Variants in TADA2B observed in about 807,000 individuals in gnomAD.
The protein encoded by TADA2B is transcriptional adapter 2-beta.
In TADA2B, 13 loss-of-function variants were observed where a neutral mutation model predicts 34.5. That is an observed-to-expected ratio of 0.38 (90% confidence interval 0.25 to 0.60). The LOEUF is 0.60. Ranked by LOEUF, TADA2B falls within the 20% of genes least tolerant of loss-of-function variation. The pLI is 0.65. For synonymous variants in TADA2B, 240 were observed against 243.4 expected (o/e 0.99, Z 0.13); for missense variants, 442 against 575.0 (o/e 0.77, Z 2.37).
chr4:7,051,281 C>G (rs1191254860), intron 1 of TADA2B, among the ~76,000 whole-genome samples: 1 of 152,128 alleles, frequency 6.6e-6, no homozygotes, highest in Non-Finnish European at 1.5e-5. Flanking sequence ...CTGCCGTGAC[C>G]GAGCACACGC....
rs1230478031 is a variant in TADA2B at position 7,057,835 on chromosome 4, C to T, written c.*2781C>T. 1 of 151,972 alleles carries T rather than the reference C, an allele frequency of 6.6e-6. No homozygotes were observed. Among genetic ancestry groups the T allele is most frequent in the East Asian group, 1.9e-4 (1 of 5,182 alleles). 9.4% of individuals were successfully genotyped at this position (151,972 alleles called of 1,614,324 possible). On this transcript the variant is annotated 3_prime_UTR_variant, in exon 2 of 2. Transcript: ENST00000310074. The stretch of plus-strand genomic sequence containing the variant: ...TTGAGTCAAAAAAAGTTGGATAACT[C>T]ATCTATATTTGAAATAATGCTGTCT...
intron 1 of TADA2B, chr4:7,053,425 C>T (rs1214584314): frequency 6.6e-6 from 1 of 152,382 alleles, no homozygotes; most frequent in African/African-American, 2.4e-5. Context: ...GCAGTCACTG[C>T]CTAGGAAAGG....
chr4:7,055,216 G>C lies in TADA2B; in HGVS notation c.*162G>C. Reference sequence around the variant, plus strand: ...TCATGGTCCTCTGAAAGAAGCAATAGTAACAATCTTATATTGGATCATGGG... The same window carrying C: ...TCATGGTCCTCTGAAAGAAGCAATACTAACAATCTTATATTGGATCATGGG... On this transcript the variant is annotated 3_prime_UTR_variant, in exon 2 of 2. Transcript: ENST00000310074. 1.4e-5 allele frequency: 10 copies of C among 734,976 alleles called. No individual in the cohort carries two copies. The highest frequency in any genetic ancestry group is 2.2e-5 in the Non-Finnish European group (10 of 457,112). 45.5% of individuals were successfully genotyped at this position (734,976 alleles called of 1,614,324 possible). A position where few individuals can be genotyped will look rare whatever the true frequency, so the allele number is the denominator to read the frequency against.
chr4:7,043,959 C>G (rs1408737910), intron 1 of TADA2B, 110 bp downstream of exon 1: 4 of 1,305,978 alleles, frequency 3.1e-6, no homozygotes, highest in Non-Finnish European at 2.0e-6. Flanking sequence ...CTCCGCACCC[C>G]AGAAGGCCCC....
chr4:7,047,549 C>T (rs115615563), intron 1 of TADA2B, among the ~76,000 whole-genome samples: 2,140 of 152,346 alleles, frequency 0.014, 23 homozygotes, highest in Non-Finnish European at 0.021. Context: ...TTCATTCTCT[C>T]GCTCATTCAT....
chr4:7,048,286 G>A (rs761185335), intron 1 of TADA2B, among the ~76,000 whole-genome samples: 2 of 152,264 alleles, frequency 1.3e-5, no homozygotes, highest in South Asian at 2.1e-4. Context: ...ATGGCGGGAG[G>A]GGGAGGGAGA....
rs1378608860 is a variant in TADA2B, at chr4:7,057,260, T to C, written c.*2206T>C. On this transcript the variant is annotated 3_prime_UTR_variant, in exon 2 of 2. Transcript: ENST00000310074. ...TAGTATGTATATCTTTTTGATGGTA[T>C]GAAGAATTTATTTAGGCTTGACTGT... is the stretch of plus-strand genomic sequence containing the variant. The C allele has an allele frequency of 6.6e-6, 1 of 152,240 alleles. No individual in the cohort carries two copies. Among genetic ancestry groups the C allele is most frequent in the Non-Finnish European group, 1.5e-5 (1 of 68,050 alleles). 9.4% of individuals were successfully genotyped at this position (152,240 alleles called of 1,614,324 possible).
rs1446658162 is a variant in TADA2B, at chr4:7,056,639, T to C, written c.*1585T>C. ...ATTAAATAAAACATTTCAAATATATTGTATATGGCTTTAGTTGTAAACTAT... is the reference window on the plus strand; with the variant it reads ...ATTAAATAAAACATTTCAAATATATCGTATATGGCTTTAGTTGTAAACTAT... On this transcript the variant is annotated 3_prime_UTR_variant, in exon 2 of 2. Coordinates refer to ENST00000310074, the MANE Select transcript of TADA2B (RefSeq NM_152293.3). The C allele has an allele frequency of 2.0e-5, 3 of 152,244 alleles. No homozygotes were observed. Among genetic ancestry groups the C allele is most frequent in the African/African-American group, 4.8e-5 (2 of 41,460 alleles). 9.4% of individuals were successfully genotyped at this position (152,244 alleles called of 1,614,324 possible).
At chr4:7,047,884 G>A (rs1195998905) in intron 1 of TADA2B, among the ~76,000 whole-genome samples, 1 of 152,208 alleles carries the variant, frequency 6.6e-6, no homozygotes, top group African/African-American at 2.4e-5. Flanking sequence ...GCTCGCCAGT[G>A]CCAGGCCCTG....
chr4:7,050,866 G>C (rs987743512), intron 1 of TADA2B, among the ~76,000 whole-genome samples: 1 of 152,222 alleles, frequency 6.6e-6, no homozygotes, highest in African/African-American at 2.4e-5. Flanking sequence ...ATCGTGGGAT[G>C]GTGGGGGGCG....
chr4:7,052,257 C>T (rs776227258), intron 1 of TADA2B, among the ~76,000 whole-genome samples: 6 of 152,260 alleles, frequency 3.9e-5, no homozygotes, highest in Non-Finnish European at 5.9e-5. Context: ...GAAGCACAGA[C>T]GTGAGGCGTT....
At position 7,056,645 on chromosome 4, in the gene TADA2B, T is replaced by G. The variant is rs1331327569; in HGVS notation, c.*1591T>G. The stretch of plus-strand genomic sequence containing the variant: ...TAAAACATTTCAAATATATTGTATA[T>G]GGCTTTAGTTGTAAACTATACTGCA... On this transcript the variant is annotated 3_prime_UTR_variant, in exon 2 of 2. Coordinates refer to ENST00000310074, the MANE Select transcript of TADA2B (RefSeq NM_152293.3). 6.6e-6 allele frequency: 1 copy of G among 152,274 alleles called. No individual in the cohort carries two copies. The highest frequency in any genetic ancestry group is 1.5e-5 in the Non-Finnish European group (1 of 68,048). 9.4% of individuals were successfully genotyped at this position (152,274 alleles called of 1,614,324 possible). A position where few individuals can be genotyped will look rare whatever the true frequency, so the allele number is the denominator to read the frequency against.
intron 1 of TADA2B, among the ~76,000 whole-genome samples, chr4:7,044,615 A>G (rs1723577005): frequency 6.6e-6 from 1 of 152,166 alleles, no homozygotes; most frequent in Non-Finnish European, 1.5e-5. Context: ...GCGGTCTCTC[A>G]GCTCTCCTTC....
At chr4:7,051,030 C>T (rs1009513547) in intron 1 of TADA2B, among the ~76,000 whole-genome samples, 2 of 152,142 alleles carry the variant, frequency 1.3e-5, no homozygotes, top group East Asian at 3.8e-4. Flanking sequence ...CCGTGGGAAG[C>T]GCACGGGGTG....
chr4:7,054,445 G>T lies in TADA2B; in HGVS notation c.654G>T (p.Arg218=), dbSNP rs1723841692. Residue 218 remains arginine, a synonymous_variant, in exon 2 of 2, where the codon CGG becomes CGT. Coordinates refer to ENST00000310074, the MANE Select transcript of TADA2B (RefSeq NM_152293.3). The part of the protein sequence containing the change: ...MYVRKLKERQ[R]RKNIARDYNL... ...TGCGGAAGCTGAAAGAGAGACAGCG[G>T]CGGAAGAACATCGCCCGTGACTACA... 6.2e-7 allele frequency: 1 copy of T among 1,613,702 alleles called. No individual in the cohort carries two copies. Among genetic ancestry groups the T allele is most frequent in the African/African-American group, 1.3e-5 (1 of 75,046 alleles).
chr4:7,043,867 G>A lies in TADA2B; in HGVS notation c.270+18G>A. On this transcript the variant is annotated intron_variant, in intron 1 of 1. Transcript: ENST00000310074. ...GAAACTGGGTGAGCGGCGCGACGGGGGCCGGGTCCCGGCTAGGGCACTGGA... is the reference window on the plus strand; with the variant it reads ...GAAACTGGGTGAGCGGCGCGACGGGAGCCGGGTCCCGGCTAGGGCACTGGA... The A allele has an allele frequency of 6.9e-7, 1 of 1,457,380 alleles. No homozygotes were observed. Among genetic ancestry groups the A allele is most frequent in the African/African-American group, 1.5e-5 (1 of 68,688 alleles). 90.3% of individuals were successfully genotyped at this position (1,457,380 alleles called of 1,614,324 possible).
In TADA2B at chr4:7,055,036, C is replaced by G. The variant is rs544499020; in HGVS notation, c.1245C>G (p.Ile415Met). 6.2e-7 allele frequency: 1 copy of G among 1,610,526 alleles called. No homozygotes were observed. Among genetic ancestry groups the G allele is most frequent in the Admixed American group, 1.7e-5 (1 of 59,434 alleles). Residue 415 changes from isoleucine to methionine, a missense_variant, in exon 2 of 2, where the codon ATC (isoleucine) becomes ATG (methionine). Coordinates refer to ENST00000310074, the MANE Select transcript of TADA2B (RefSeq NM_152293.3). ...ATTTCCTCACAGAAAGCGGCTGGAT[C>G]TCCAGGGACGCGTCTTGAAGCTGAG... ...ILNFLTESGW[I>M]SRDAS
rs1723854649 is a variant in TADA2B, at chr4:7,054,918, T to C, written c.1127T>C (p.Ile376Thr). The C allele has an allele frequency of 1.2e-6, 2 of 1,613,958 alleles. No individual in the cohort carries two copies. The highest frequency in any genetic ancestry group is 1.7e-6 in the Non-Finnish European group (2 of 1,179,896). ...CGCTACGTGACTGTGAAGACTATTA[T>C]AATTAAAGACCACCTCCAGAAGCGG... ...PARYVTVKTIIIKDHLQKRQG... is the reference protein window; with the variant it reads ...PARYVTVKTITIKDHLQKRQG... The change falls in exon 2 of 2, where the codon ATA (isoleucine) becomes ACA (threonine). Residue 376 changes from isoleucine (I) to threonine (T), a missense_variant. Around this residue, in one of 4 missense-constraint regions of TADA2B, gnomAD observed 114 missense variants for 144.7 expected, o/e 0.79. Coordinates refer to ENST00000310074, the MANE Select transcript of TADA2B (RefSeq NM_152293.3).
At chr4:7,049,305 C>G (rs1288962910) in intron 1 of TADA2B, among the ~76,000 whole-genome samples, 2 of 152,222 alleles carry the variant, frequency 1.3e-5, no homozygotes, top group Non-Finnish European at 2.9e-5. Flanking sequence ...TCATGAACTT[C>G]TGGGCTCAAG....
Sources: allele counts gnomAD v4.1 joint callset (sites outside exome capture counted in the v4.1 genomes callset), GRCh38; gene constraint gnomAD v4.1.1; regional missense constraint gnomAD v4.1.1; transcripts MANE v1.5; gene names NCBI Gene and HGNC (gene_info 2026-07-23, HGNC 2026-07-21).